RECQL5: variants seen among roughly 807,000 people sequenced by gnomAD.
RECQL5 encodes the protein ATP-dependent DNA helicase Q5.
Under a neutral mutation model 103.4 loss-of-function variants are expected in RECQL5, and 88 were observed. That is an observed-to-expected ratio of 0.85 (90% confidence interval 0.72 to 1.02). The LOEUF (loss-of-function observed/expected upper bound fraction) is 1.02, where lower values mean the gene tolerates loss of function less well. Ranked by LOEUF, RECQL5 falls within the 50% of genes least tolerant of loss-of-function variation. The pLI, the probability that RECQL5 is intolerant of heterozygous loss-of-function variation, is 0.00. For synonymous variants in RECQL5, 552 were observed against 507.9 expected (o/e 1.09, Z -1.17); for missense variants, 1,232 against 1,284.3 (o/e 0.96, Z 0.62).
rs142602889 is a variant in RECQL5 at position 75,666,342 on chromosome 17, T to C, written c.130+86A>G. The C allele has an allele frequency of 2.2e-4, 316 of 1,466,926 alleles. 2 individuals carry two copies. In the African/African-American group the frequency reaches 4.1e-3, roughly 19 times the overall value. 90.9% of individuals were successfully genotyped at this position (1,466,926 alleles called of 1,614,324 possible). ...CAGTTATGGACCAAAGGTGAGGCAG[T>C]ACGAAGGGTGAGGAGGAGGGTGTTC... On this transcript the variant is annotated intron_variant, in intron 2 of 19. Coordinates refer to ENST00000317905, the MANE Select transcript of RECQL5 (RefSeq NM_004259.7).
chr17:75,656,113 T>C (rs1368258598), intron 7 of RECQL5, among the ~76,000 whole-genome samples: 1 of 152,096 alleles, frequency 6.6e-6, no homozygotes, highest in Non-Finnish European at 1.5e-5. Context: ...TCACTCTTGT[T>C]GCCCAGGCTG....
chr17:75,662,068 G>A (rs1249381117), intron 4 of RECQL5, among the ~76,000 whole-genome samples: 1 of 152,202 alleles, frequency 6.6e-6, no homozygotes, highest in Non-Finnish European at 1.5e-5. Context: ...GGCTGAGGCA[G>A]GAGAATCGCT....
chr17:75,630,321 GGCTTCTCCCTGCTGA>G (rs1007477752), intron 13 of RECQL5, 44 bp from the exon 14 acceptor site: 10 of 1,488,118 alleles, frequency 6.7e-6, no homozygotes, highest in East Asian at 4.9e-5. Flanking sequence ...GGTGGGCCTG[GGCTTCTCCCTGCTGA>G]GCTCTTGCGG....
rs1452980294 is a variant in RECQL5 at position 75,662,979 on chromosome 17, G to T, written c.271C>A (p.Leu91Ile). ...GAACTTACTCGTACCTTTAGGGTTA[G>T]CAAGTGGTCCACTTGGTCCTAAGAG... ...ALIQDQVDHL[L>I]TLKVRVSSLN... The change falls in exon 4 of 20, where the codon CTA becomes ATA. Residue 91 changes from leucine to isoleucine, a missense_variant. Physicochemically the swap from Leu to Ile is conservative, Grantham distance 5. Transcript: ENST00000317905. The T allele has an allele frequency of 6.2e-7, 1 of 1,606,252 alleles. No individual in the cohort carries two copies. Among genetic ancestry groups the T allele is most frequent in the Admixed American group, 1.7e-5 (1 of 59,346 alleles).
rs1489968361 is a variant in RECQL5, at chr17:75,628,696, C to T, written c.2556G>A (p.Lys852=). The part of the protein sequence containing the change: ...VQPTPAKDTW[K]GKRPRSQQEN... ...CCTGCTGGGATCGAGGCCGCTTGCC[C>T]TTCCATGTGTCCTTTGCAGGGGTGG... Residue 852 remains lysine (K), a synonymous_variant, in exon 17 of 20, where the codon AAG becomes AAA. Coordinates refer to ENST00000317905, the MANE Select transcript of RECQL5 (RefSeq NM_004259.7). 5 of 1,590,084 alleles carry T rather than the reference C, an allele frequency of 3.1e-6. No individual in the cohort carries two copies. The highest frequency in any genetic ancestry group is 2.6e-6 in the Non-Finnish European group (3 of 1,174,012).
At position 75,640,310 on chromosome 17, in the gene RECQL5, GTCA is replaced by G. The variant is rs1025845492; in HGVS notation, c.1230-8645_1230-8643del. 2 of 1,550,182 alleles carry G rather than the reference GTCA, an allele frequency of 1.3e-6. No homozygotes were observed. Among genetic ancestry groups the G allele is most frequent in the Non-Finnish European group, 1.7e-6 (2 of 1,146,298 alleles). ...GCCCGTGGAGATCGTGGCCTTCTCAGTCATCATCCTTTTCACAGGTTAGTTGGG... is the reference window on the plus strand; with the variant it reads ...GCCCGTGGAGATCGTGGCCTTCTCAGTCATCCTTTTCACAGGTTAGTTGGG... On this transcript the variant is annotated intron_variant, in intron 8 of 19. Coordinates refer to ENST00000317905, the MANE Select transcript of RECQL5 (RefSeq NM_004259.7). The surrounding 1 kb of genome is among the most constrained non-coding windows in gnomAD (Gnocchi z 4.6).
rs779858935 is a variant in RECQL5 at position 75,640,788 on chromosome 17, C to T, written c.1230-9120G>A. 10 of 1,549,698 alleles carry T rather than the reference C, an allele frequency of 6.5e-6. No homozygotes were observed. Among genetic ancestry groups the T allele is most frequent in the Middle Eastern group, 1.7e-4 (1 of 6,008 alleles). On this transcript the variant is annotated intron_variant, in intron 8 of 19. Coordinates refer to ENST00000317905, the MANE Select transcript of RECQL5 (RefSeq NM_004259.7). This position sits in a 1 kb window ranked among gnomAD's most constrained non-coding sequence, Gnocchi z 4.6. ...AGTCCCGTGCTCTCTCCCGGCCCTCCAGCTACTGTTCTGCTGTTGCTGCTG... is the reference window on the plus strand; with the variant it reads ...AGTCCCGTGCTCTCTCCCGGCCCTCTAGCTACTGTTCTGCTGTTGCTGCTG...
intron 7 of RECQL5, 104 bp from the exon 8 acceptor site, chr17:75,651,369 C>T: frequency 7.5e-7 from 1 of 1,335,996 alleles, no homozygotes; most frequent in Admixed American, 1.7e-5. Flanking sequence ...CGGCTGTAAT[C>T]CCAGCACTTT....
rs756888974 is a variant in RECQL5, at chr17:75,651,240, T to C, written c.1175A>G (p.Asp392Gly). Residue 392 changes from aspartate to glycine, a missense_variant, in exon 8 of 20, where the codon GAT (aspartate) becomes GGT (glycine). Physicochemically the swap from Asp to Gly is moderately conservative, Grantham distance 94. Transcript: ENST00000317905. ...ATCAAAGGCCATGATAGTGGCTTTA[T>C]CAGATGCTTTGTTTCCTCTCTTTTC... ...LQEKRGNKAS[D>G]KATIMAFDAL... 3.1e-6 allele frequency: 5 copies of C among 1,614,114 alleles called. No individual in the cohort carries two copies. The highest frequency in any genetic ancestry group is 4.2e-6 in the Non-Finnish European group (5 of 1,180,048).
chr17:75,642,634 A>G (rs1161742962), intron 8 of RECQL5, among the ~76,000 whole-genome samples: 2 of 152,258 alleles, frequency 1.3e-5, no homozygotes, highest in African/African-American at 4.8e-5. Context: ...GACGATGATC[A>G]TGAGGAGGAG....
At chr17:75,635,688 T>C (rs2059308245) in intron 8 of RECQL5, 1 of 653,960 alleles carries the variant, frequency 1.5e-6, no homozygotes, top group South Asian at 6.8e-5. Context: ...TATGCCTCCT[T>C]CTAGGTGGAC....
rs1367372292 is a variant in RECQL5 at position 75,636,147 on chromosome 17, T to C, written c.1230-4479A>G. 6.6e-6 allele frequency among the ~76,000 whole-genome samples: 1 copy of C among 152,144 alleles called. No individual in the cohort carries two copies. On this transcript the variant is annotated intron_variant, in intron 8 of 19. Coordinates refer to ENST00000317905, the MANE Select transcript of RECQL5 (RefSeq NM_004259.7). The surrounding 1 kb of genome is among the most constrained non-coding windows in gnomAD (Gnocchi z 5.4). Reference sequence around the variant, plus strand: ...CTGGTGGCAGCTGGGCTACACTCCCTCTTAAGGCCAGAGGGAGCCACCACT... The same window carrying C: ...CTGGTGGCAGCTGGGCTACACTCCCCCTTAAGGCCAGAGGGAGCCACCACT...
intron 8 of RECQL5, chr17:75,650,806 GAT>G (rs1292460160): frequency 3.2e-5 from 49 of 1,542,738 alleles, no homozygotes; most frequent in African/African-American, 4.1e-5. Flanking sequence ...GTGGGTCCTG[GAT>G]AAGGGTGAGG....
chr17:75,628,565 T>G, intron 17 of RECQL5, 107 bp downstream of exon 17: 1 of 1,502,526 alleles, frequency 6.7e-7, no homozygotes, highest in Non-Finnish European at 8.9e-7. Flanking sequence ...TGCTGCCAGG[T>G]GTGGAAAGAA....
chr17:75,639,883 A>C, intron 8 of RECQL5: 4 of 270,646 alleles, frequency 1.5e-5, no homozygotes, highest in Non-Finnish European at 2.1e-5. Flanking sequence ...AGACAAGGGA[A>C]TGGAACAGCG....
At chr17:75,634,605 G>C (rs1033306122) in intron 8 of RECQL5, among the ~76,000 whole-genome samples, 5 of 152,210 alleles carry the variant, frequency 3.3e-5, no homozygotes, top group Non-Finnish European at 7.3e-5. Context: ...GAGCCCTGTC[G>C]AGGTCAGCGC....
At chr17:75,645,091 T>C (rs2059474562) in intron 8 of RECQL5, among the ~76,000 whole-genome samples, 1 of 152,222 alleles carries the variant, frequency 6.6e-6, no homozygotes, top group South Asian at 2.1e-4. Context: ...TCCTGGATTG[T>C]TATTTTCTAG....
At chr17:75,647,278 C>A (rs975824434) in intron 8 of RECQL5, 1 of 1,113,776 alleles carries the variant, frequency 9.0e-7, no homozygotes. Flanking sequence ...ACAGAGGCTG[C>A]TACAGAGGCT....
chr17:75,640,868 A>C lies in RECQL5; in HGVS notation c.1230-9200T>G. On this transcript the variant is annotated intron_variant, in intron 8 of 19. Transcript: ENST00000317905. The surrounding 1 kb of genome is among the most constrained non-coding windows in gnomAD (Gnocchi z 4.6). ...CTGCTGCCCTGAGCGGAGAGGCAGG[A>C]AGGTCCAGGTGCAGCCGACACCACC... 1 of 1,547,652 alleles carries C rather than the reference A, an allele frequency of 6.5e-7. No individual in the cohort carries two copies. Among genetic ancestry groups the C allele is most frequent in the South Asian group, 1.2e-5 (1 of 84,062 alleles).
Sources: gnomAD v4.1 joint callset for allele counts (sites outside exome capture counted in the v4.1 genomes callset) on GRCh38, gnomAD v4.1.1 for gene constraint, Gnocchi (gnomAD v3.1) non-coding constraint, MANE v1.5 for transcripts, NCBI Gene and HGNC (gene_info 2026-07-23, HGNC 2026-07-21) for gene names.